Variants in GREB1 observed in about 807,000 individuals in gnomAD.
GREB1 encodes growth regulating estrogen receptor binding 1.
In GREB1, 106 loss-of-function variants were observed where a neutral mutation model predicts 200.7. The ratio of observed to expected loss-of-function variants is 0.53; its 90% CI spans 0.45 to 0.62. GREB1 has a LOEUF of 0.62. GREB1 is among the 20% of genes least tolerant of loss of function. The pLI is 0.00. For synonymous variants in GREB1, 1,132 were observed against 1,092.4 expected, an observed-to-expected ratio of 1.04 and a Z score of -0.72; for missense variants, 2,243 against 2,556.8, an observed-to-expected ratio of 0.88 and a Z score of 2.65.
intron 9 of GREB1, among the ~76,000 whole-genome samples, chr2:11,586,905 TTG>T (rs894462378): frequency 1.3e-5 from 2 of 152,014 alleles, no homozygotes; most frequent in African/African-American, 4.8e-5. Context: ...TTCAGTCATG[TTG>T]TGTGTGTTTT....
intron 1 of GREB1, among the ~76,000 whole-genome samples, chr2:11,556,139 A>G (rs567844944): frequency 3.8e-4 from 58 of 152,288 alleles, no homozygotes; most frequent in African/African-American, 1.4e-3. Flanking sequence ...CTGCTAGCCT[A>G]TCTTCTGGGA....
At position 11,596,168 on chromosome 2, in the gene GREB1, C is replaced by T. The variant is rs768817707; in HGVS notation, c.1883C>T (p.Ser628Phe). 2 of 1,613,550 alleles carry T rather than the reference C, an allele frequency of 1.2e-6. No individual in the cohort carries two copies. Among genetic ancestry groups the T allele is most frequent in the South Asian group, 1.1e-5 (1 of 91,074 alleles). ...CACCAGGAAAATCAAGGCCATATTTCTTCCTCACTCGCTGCCTCTTCTGTC... is the reference window on the plus strand; with the variant it reads ...CACCAGGAAAATCAAGGCCATATTTTTTCCTCACTCGCTGCCTCTTCTGTC... ...KFHQENQGHI[S>F]SSLAASSVTK... The change falls in exon 13 of 33, where the codon TCT becomes TTT. Residue 628 changes from serine to phenylalanine, a missense_variant. Transcript: ENST00000381486.
chr2:11,562,744 G>A, intron 3 of GREB1, 162 bp downstream of exon 3: 1 of 751,296 alleles, frequency 1.3e-6, no homozygotes, highest in South Asian at 2.3e-5. Flanking sequence ...CCCGCAGCAG[G>A]TGCTGGCCCG....
At chr2:11,571,965 C>T (rs1678352381) in intron 4 of GREB1, among the ~76,000 whole-genome samples, 2 of 152,222 alleles carry the variant, frequency 1.3e-5, no homozygotes, top group South Asian at 4.1e-4. Context: ...CCTGCCTGCG[C>T]CTCCCAAAGT....
intron 1 of GREB1, among the ~76,000 whole-genome samples, chr2:11,553,866 C>T (rs779112220): frequency 5.9e-5 from 9 of 152,088 alleles, no homozygotes; most frequent in Non-Finnish European, 1.0e-4. Flanking sequence ...CTGGATGCCC[C>T]GATGTGTTCT....
At chr2:11,632,191 TTAAACA>T in intron 27 of GREB1, 78 bp downstream of exon 27, 1 of 1,048,846 alleles carries the variant, frequency 9.5e-7, no homozygotes, top group Non-Finnish European at 1.5e-6. Context: ...GAGACAAAAG[TTAAACA>T]TGTGACATCA....
intron 21 of GREB1, among the ~76,000 whole-genome samples, chr2:11,616,965 G>A (rs933484029): frequency 1.4e-4 from 22 of 152,212 alleles, no homozygotes; most frequent in Non-Finnish European, 2.2e-4. Context: ...GGGGAGGACC[G>A]TGGACCCTGC....
At chr2:11,607,527 T>G (rs941207466) in intron 17 of GREB1, among the ~76,000 whole-genome samples, 1 of 92,500 alleles carries the variant, frequency 1.1e-5, no homozygotes, top group African/African-American at 4.5e-5. Flanking sequence ...TACATATATA[T>G]ACACATATAT....
chr2:11,514,810 T>C (rs963528509), intron 1 of GREB1, among the ~76,000 whole-genome samples: 3 of 152,216 alleles, frequency 2.0e-5, no homozygotes, highest in African/African-American at 7.2e-5. Flanking sequence ...CCTACTAGGT[T>C]GTGAGTCCCT....
chr2:11,595,351 G>A lies in GREB1; in HGVS notation c.1797G>A (p.Leu599=). The part of the protein sequence containing the change: ...YELVTGKVDS[L]GAFFSTLCPE... ...TGGTTACGGGGAAGGTAGACTCGCT[G>A]GGGGCCTTCTTTAGCACCCTCTGTC... The change falls in exon 12 of 33, where the codon CTG becomes CTA. Residue 599 remains leucine (L), a synonymous_variant. Coordinates refer to ENST00000381486, the MANE Select transcript of GREB1 (RefSeq NM_014668.4). 1 of 1,613,820 alleles carries A rather than the reference G, an allele frequency of 6.2e-7. No homozygotes were observed. Among genetic ancestry groups the A allele is most frequent in the Non-Finnish European group, 8.5e-7 (1 of 1,179,804 alleles).
At chr2:11,588,524 T>A (rs1181105555) in intron 9 of GREB1, 3 of 603,390 alleles carry the variant, frequency 5.0e-6, no homozygotes, top group African/African-American at 3.7e-5. Flanking sequence ...AACCAGCAAG[T>A]GGCACAGCCC....
intron 1 of GREB1, among the ~76,000 whole-genome samples, chr2:11,544,105 T>C (rs146208956): frequency 8.5e-5 from 13 of 152,286 alleles, no homozygotes; most frequent in African/African-American, 3.1e-4. Flanking sequence ...CCTCATTGCA[T>C]GATTGGTAAC....
rs760328963 is a variant in GREB1 at position 11,618,373 on chromosome 2, C to T, written c.3498C>T (p.Pro1166=). Residue 1166 remains proline, a synonymous_variant, in exon 22 of 33, where the codon CCC becomes CCT. Transcript: ENST00000381486. ...CCAGGTCGCCCCAGCCCCGTGGCCCCGCAGAGGAGGGCAGAGCCCCTGGTG... is the reference window on the plus strand; with the variant it reads ...CCAGGTCGCCCCAGCCCCGTGGCCCTGCAGAGGAGGGCAGAGCCCCTGGTG... The part of the protein sequence containing the change: ...EHARSPQPRG[P]AEEGRAPGEK... 6.2e-5 allele frequency: 100 copies of T among 1,611,500 alleles called. No individual in the cohort carries two copies. The highest frequency in any genetic ancestry group is 6.0e-4 in the African/African-American group (45 of 74,874).
chr2:11,608,065 T>C (rs1222155843), intron 17 of GREB1, among the ~76,000 whole-genome samples: 1 of 152,168 alleles, frequency 6.6e-6, no homozygotes, highest in Non-Finnish European at 1.5e-5. Context: ...TTCTTTCTTA[T>C]TGTTTGAAAA....
At chr2:11,638,971 C>G (rs1685601011) in intron 32 of GREB1, among the ~76,000 whole-genome samples, 162 bp downstream of exon 32, 1 of 152,206 alleles carries the variant, frequency 6.6e-6, no homozygotes, top group African/African-American at 2.4e-5. Flanking sequence ...TGCAAGAGAG[C>G]TGGGATTTGA....
intron 30 of GREB1, among the ~76,000 whole-genome samples, chr2:11,636,761 AGGGCAG>A (rs143153422): frequency 0.28 from 34,920 of 124,122 alleles, 4,121 homozygotes; most frequent in East Asian, 0.43. Context: ...GGCAGGGGCA[AGGGCAG>A]GGGCAGGGGC....
chr2:11,601,896 G>A (rs544254263), intron 16 of GREB1, among the ~76,000 whole-genome samples: 17 of 152,300 alleles, frequency 1.1e-4, no homozygotes, highest in African/African-American at 3.1e-4. Context: ...TCCATGGCTC[G>A]GCCCTTAACC....
chr2:11,637,850 G>T lies in GREB1; in HGVS notation c.5481G>T (p.Pro1827=), dbSNP rs762048925. The stretch of plus-strand genomic sequence containing the variant: ...AGCACCACAGCCACCTCTTCTTCCC[G>T]CTGTCCCTGAAGAACCATGACCACC... ...FLQHHSHLFF[P]LSLKNHDHPV... Residue 1827 remains proline, a synonymous_variant, in exon 31 of 33, where the codon CCG becomes CCT. Transcript: ENST00000381486. The T allele has an allele frequency of 6.2e-7, 1 of 1,614,136 alleles. No individual in the cohort carries two copies. Among genetic ancestry groups the T allele is most frequent in the Admixed American group, 1.7e-5 (1 of 60,022 alleles).
chr2:11,486,585 G>A (rs1236257750), intron 1 of GREB1, among the ~76,000 whole-genome samples: 1 of 152,130 alleles, frequency 6.6e-6, no homozygotes, highest in Non-Finnish European at 1.5e-5. Context: ...AGGTGTGGTA[G>A]CTGATGCCTA....
Sources: gnomAD v4.1 joint callset for allele counts (sites outside exome capture counted in the v4.1 genomes callset) on GRCh38, gnomAD v4.1.1 for gene constraint, MANE v1.5 for transcripts, NCBI Gene and HGNC (gene_info 2026-07-23, HGNC 2026-07-21) for gene names.